Variants in SLC25A3 observed in about 807,000 individuals in gnomAD.
SLC25A3 encodes phosphate transport protein.
A neutral mutation model predicts 37.1 loss-of-function variants in SLC25A3; 14 were observed. The ratio of observed to expected loss-of-function variants is 0.38; its 90% CI spans 0.25 to 0.59. SLC25A3 has a LOEUF of 0.59. SLC25A3 is among the 20% of genes least tolerant of loss of function. The pLI is 0.67. For synonymous variants in SLC25A3, 161 were observed against 168.7 expected (o/e 0.95, Z 0.36); for missense variants, 385 against 458.1 (o/e 0.84, Z 1.46).
chr12:98,606,110 T>A lies in SLC25A3; in HGVS notation c.*4582T>A, dbSNP rs554994509. The stretch of plus-strand genomic sequence containing the variant: ...CTGGGCGACAGAGTGATAACCTGTC[T>A]AAAAAAATAAAAATAAATTGTATAA... On this transcript the variant is annotated 3_prime_UTR_variant, in exon 8 of 8. Transcript: ENST00000552981. 1 of 152,018 alleles carries A rather than the reference T, an allele frequency of 6.6e-6. No homozygotes were observed. Among genetic ancestry groups the A allele is most frequent in the African/African-American group, 2.4e-5 (1 of 41,348 alleles). The allele number at this position is 152,018 out of a possible 1,614,324, so 9.4% of individuals were successfully genotyped here. A position where few individuals can be genotyped will look rare whatever the true frequency, so the allele number is the denominator to read the frequency against.
chr12:98,596,688 T>A (rs2097593256), intron 3 of SLC25A3, among the ~76,000 whole-genome samples: 1 of 152,166 alleles, frequency 6.6e-6, no homozygotes, highest in Admixed American at 6.6e-5. Flanking sequence ...AGGAATACAG[T>A]TATATCTATT....
rs1327744789 is a variant in SLC25A3, at chr12:98,605,118, A to G, written c.*3590A>G. The stretch of plus-strand genomic sequence containing the variant: ...TATTTGATCCTTGTTCTGAAACCAT[A>G]AAGTGAGTTTAACATTTCTGGCTGG... On this transcript the variant is annotated 3_prime_UTR_variant, in exon 8 of 8. Coordinates refer to ENST00000552981, the MANE Select transcript of SLC25A3 (RefSeq NM_002635.4). The G allele has an allele frequency of 2.0e-5, 3 of 152,182 alleles. No homozygotes were observed. The highest frequency in any genetic ancestry group is 4.8e-5 in the African/African-American group (2 of 41,434). 9.4% of individuals were successfully genotyped at this position (152,182 alleles called of 1,614,324 possible). A position where few individuals can be genotyped will look rare whatever the true frequency, so the allele number is the denominator to read the frequency against.
At chr12:98,595,403 T>A in intron 2 of SLC25A3, 2 of 1,611,252 alleles carry the variant, frequency 1.2e-6, no homozygotes, top group Non-Finnish European at 1.7e-6. Context: ...AAGAAATACT[T>A]ACTTGATTTT....
intron 1 of SLC25A3, 37 bp downstream of exon 1, chr12:98,593,777 G>A (rs913980183): frequency 1.4e-5 from 9 of 621,148 alleles, no homozygotes; most frequent in Non-Finnish European, 2.6e-5. Context: ...GGCGGGTGTG[G>A]GGAGCGGAGC....
intron 4 of SLC25A3, 51 bp downstream of exon 4, chr12:98,598,086 A>T: frequency 6.3e-7 from 1 of 1,592,208 alleles, no homozygotes; most frequent in Non-Finnish European, 8.6e-7. Context: ...AGACTTTCCG[A>T]GTGTTCTTAG....
intron 3 of SLC25A3, among the ~76,000 whole-genome samples, chr12:98,596,103 A>C (rs888832218): frequency 6.6e-6 from 1 of 152,188 alleles, no homozygotes; most frequent in African/African-American, 2.4e-5. Context: ...TTCTGGCCGG[A>C]GTTCTTCAAG....
chr12:98,594,646 C>T (rs1466075115), intron 2 of SLC25A3: 1 of 441,374 alleles, frequency 2.3e-6, no homozygotes, highest in Non-Finnish European at 4.2e-6. Flanking sequence ...GAGGAGGCAG[C>T]TTGCAGCCCT....
In SLC25A3 at chr12:98,605,456, T is replaced by G. The variant is rs936981501; in HGVS notation, c.*3928T>G. 1.4e-4 allele frequency: 21 copies of G among 151,798 alleles called. No homozygotes were observed. The highest frequency in any genetic ancestry group is 5.1e-4 in the African/African-American group (21 of 41,316). The allele number at this position is 151,798 out of a possible 1,614,324, so 9.4% of individuals were successfully genotyped here. A position where few individuals can be genotyped will look rare whatever the true frequency, so the allele number is the denominator to read the frequency against. ...ATGATTTTTGGGATCGACATGTCCA[T>G]AATGTTAATGAAGCGCATAGCAGTC... On this transcript the variant is annotated 3_prime_UTR_variant, in exon 8 of 8. Coordinates refer to ENST00000552981, the MANE Select transcript of SLC25A3 (RefSeq NM_002635.4).
chr12:98,593,935 G>T, intron 1 of SLC25A3, 40 bp from the exon 2 acceptor site: 1 of 1,612,936 alleles, frequency 6.2e-7, no homozygotes, highest in Non-Finnish European at 8.5e-7. Context: ...GTTAACCGGC[G>T]CCTTGCCTGT....
rs1026115478 is a variant in SLC25A3 at position 98,601,750 on chromosome 12, T to C, written c.*222T>C. The C allele has an allele frequency of 1.1e-5, 6 of 543,184 alleles. No homozygotes were observed. The highest frequency in any genetic ancestry group is 6.5e-5 in the Admixed American group (2 of 30,946). The allele number at this position is 543,184 out of a possible 1,614,324, so 33.6% of individuals were successfully genotyped here. A position where few individuals can be genotyped will look rare whatever the true frequency, so the allele number is the denominator to read the frequency against. ...TTTTAAAACTTTTTTAAAAAAGATT[T>C]AGCTTTAAAATAGTTGGAAAGAATG... On this transcript the variant is annotated 3_prime_UTR_variant, in exon 8 of 8. Coordinates refer to ENST00000552981, the MANE Select transcript of SLC25A3 (RefSeq NM_002635.4).
Position 98,606,013 on chromosome 12 carries a change from G to A in SLC25A3, c.*4485G>A, listed in dbSNP as rs1401108292. 1 of 151,954 alleles carries A rather than the reference G, an allele frequency of 6.6e-6. No individual in the cohort carries two copies. 9.4% of individuals were successfully genotyped at this position (151,954 alleles called of 1,614,324 possible). On this transcript the variant is annotated 3_prime_UTR_variant, in exon 8 of 8. Coordinates refer to ENST00000552981, the MANE Select transcript of SLC25A3 (RefSeq NM_002635.4). Reference sequence around the variant, plus strand: ...GCCTGTAATCTCAGCTACTTAGGAAGCTGAAGGAGGATCGTCTGAGCCCAG... The same window carrying A: ...GCCTGTAATCTCAGCTACTTAGGAAACTGAAGGAGGATCGTCTGAGCCCAG...
At position 98,605,239 on chromosome 12, in the gene SLC25A3, A is replaced by G. The variant is rs1014343101; in HGVS notation, c.*3711A>G. ...GTTTGAGACCATCCTGGACAACATA[A>G]TGAGAAAAGAAAATACAAAAATTAA... On this transcript the variant is annotated 3_prime_UTR_variant, in exon 8 of 8. Coordinates refer to ENST00000552981, the MANE Select transcript of SLC25A3 (RefSeq NM_002635.4). 1.3e-5 allele frequency: 2 copies of G among 151,902 alleles called. No individual in the cohort carries two copies. Among genetic ancestry groups the G allele is most frequent in the African/African-American group, 4.8e-5 (2 of 41,326 alleles). 9.4% of individuals were successfully genotyped at this position (151,902 alleles called of 1,614,324 possible).
Position 98,600,069 on chromosome 12 carries a change from C to G in SLC25A3, c.756C>G (p.Pro252=). The G allele has an allele frequency of 1.9e-6, 3 of 1,614,200 alleles. No individual in the cohort carries two copies. Among genetic ancestry groups the G allele is most frequent in the Non-Finnish European group, 2.5e-6 (3 of 1,180,040 alleles). Residue 252 remains proline, a synonymous_variant, in exon 6 of 8, where the codon CCC becomes CCG. Coordinates refer to ENST00000552981, the MANE Select transcript of SLC25A3 (RefSeq NM_002635.4). ...EALYKFVVPK[P]RSECSKPEQL... is the part of the protein sequence containing the mutation. ...TGTACAAGTTTGTGGTTCCTAAGCC[C>G]CGCAGTGAATGTTCAAAGCCAGAGC...
At chr12:98,594,494 A>C (rs546821827) in intron 2 of SLC25A3, 1 of 623,688 alleles carries the variant, frequency 1.6e-6, no homozygotes, top group East Asian at 2.7e-5. Context: ...AGTTCTACTA[A>C]CTATATTACC....
In SLC25A3 at chr12:98,597,709, C is replaced by T. The variant is rs1453407921; in HGVS notation, c.280-147C>T. 2.3e-5 allele frequency: 26 copies of T among 1,114,708 alleles called. No individual in the cohort carries two copies. The South Asian group carries it at 2.7e-4, about 11-fold the overall frequency. The allele number at this position is 1,114,708 out of a possible 1,614,324, so 69.1% of individuals were successfully genotyped here. On this transcript the variant is annotated intron_variant, in intron 3 of 7. Transcript: ENST00000552981. Reference sequence around the variant, plus strand: ...AAAGTGCTGGGATTACAGATGTGAGCCACCGTGCCTGGCAGGAATTACTGT... The same window carrying T: ...AAAGTGCTGGGATTACAGATGTGAGTCACCGTGCCTGGCAGGAATTACTGT...
Position 98,601,534 on chromosome 12 carries a change from T to G in SLC25A3, c.*6T>G, listed in dbSNP as rs377354872. ...AGCTTGGGTTAACTCAGTAGTTAGA[T>G]CAAAGCAAATGTGGACTGAATCTGC... On this transcript the variant is annotated 3_prime_UTR_variant, in exon 8 of 8. Transcript: ENST00000552981. 6.4e-7 allele frequency: 1 copy of G among 1,571,694 alleles called. No homozygotes were observed. The highest frequency in any genetic ancestry group is 8.8e-7 in the Non-Finnish European group (1 of 1,141,300).
rs1477889735 is a variant in SLC25A3 at position 98,602,954 on chromosome 12, T to C, written c.*1426T>C. 1 of 152,252 alleles carries C rather than the reference T, an allele frequency of 6.6e-6. No homozygotes were observed. Among genetic ancestry groups the C allele is most frequent in the Non-Finnish European group, 1.5e-5 (1 of 68,044 alleles). 9.4% of individuals were successfully genotyped at this position (152,252 alleles called of 1,614,324 possible). A position where few individuals can be genotyped will look rare whatever the true frequency, so the allele number is the denominator to read the frequency against. On this transcript the variant is annotated 3_prime_UTR_variant, in exon 8 of 8. Coordinates refer to ENST00000552981, the MANE Select transcript of SLC25A3 (RefSeq NM_002635.4). ...AGCTAGTTGCATGTTAACTTCTTTA[T>C]ATCATCATTGCCTGAACTTGTTAAA...
In SLC25A3 at chr12:98,598,650, CA is replaced by C; in HGVS notation, c.590del (p.Asn197ThrfsTer3). 6.2e-7 allele frequency: 1 copy of C among 1,613,976 alleles called. No individual in the cohort carries two copies. The highest frequency in any genetic ancestry group is 8.5e-7 in the Non-Finnish European group (1 of 1,179,952). ...GAATTCAAACCCAGCCAGGTTATGC[CA>C]ACACTTTGAGGGATGCAGCTCCCAA... Reference protein sequence around the residue: ...VRIQTQPGYANTLRDAAPKMY... With the variant: ...VRIQTQPGYAXTLRDAAPKMY... On this transcript the variant is annotated frameshift_variant, in exon 5 of 8. Coordinates refer to ENST00000552981, the MANE Select transcript of SLC25A3 (RefSeq NM_002635.4). LOFTEE classifies it high-confidence loss of function.
intron 5 of SLC25A3, 66 bp downstream of exon 5, chr12:98,598,769 G>GTT (rs982573378): frequency 7.0e-4 from 763 of 1,089,332 alleles, no homozygotes; most frequent in Middle Eastern, 2.1e-3. Context: ...ATTTTTTTTT[G>GTT]TTTTTTTTTT....
Sources: allele counts gnomAD v4.1 joint callset (sites outside exome capture counted in the v4.1 genomes callset), GRCh38; gene constraint gnomAD v4.1.1; transcripts MANE v1.5; gene names NCBI Gene and HGNC (gene_info 2026-07-23, HGNC 2026-07-21).